Variants in APOLD1 observed in about 807,000 individuals in gnomAD.
APOLD1 encodes the protein apolipoprotein L domain-containing protein 1.
In APOLD1, 22 loss-of-function variants were observed where a neutral mutation model predicts 15.3. The observed-to-expected ratio is 1.44, with a 90% CI of 1.03 to 2.05. The LOEUF is 2.05. Among genes scored for constraint, APOLD1 ranks in the 30% most tolerant of loss-of-function variants. The pLI is 0.00. For missense variants in APOLD1, 394 were observed against 353.5 expected (o/e 1.11, Z -0.92); for synonymous variants, 190 against 167.4 (o/e 1.13, Z -1.04).
At position 12,787,909 on chromosome 12, in the gene APOLD1, A is replaced by G. The variant is rs1947146820; in HGVS notation, c.*257A>G. The G allele has an allele frequency of 2.1e-6, 1 of 474,606 alleles. No individual in the cohort carries two copies. Among genetic ancestry groups the G allele is most frequent in the Non-Finnish European group, 3.7e-6 (1 of 273,642 alleles). The allele number at this position is 474,606 out of a possible 1,614,324, so 29.4% of individuals were successfully genotyped here. On this transcript the variant is annotated 3_prime_UTR_variant, in exon 2 of 2. Transcript: ENST00000356591. This position sits in a 1 kb window ranked among gnomAD's most constrained non-coding sequence, Gnocchi z 4.9. The stretch of plus-strand genomic sequence containing the variant: ...ACCCAAAAACTCTTTTTCCTTTATC[A>G]AAAACTTTCTGTCTAAACACAGCTG...
At chr12:12,770,266 A>G (rs554682602) in intron 1 of APOLD1, among the ~76,000 whole-genome samples, 12 of 152,202 alleles carry the variant, frequency 7.9e-5, no homozygotes, top group East Asian at 5.8e-4. Flanking sequence ...TTAGCCGGGC[A>G]TGGTGGCACA....
chr12:12,772,592 C>T (rs572283674), intron 1 of APOLD1, among the ~76,000 whole-genome samples: 1 of 152,302 alleles, frequency 6.6e-6, no homozygotes, highest in East Asian at 1.9e-4. Flanking sequence ...GGCAGAAAAT[C>T]AGTAGGGCAT....
intron 1 of APOLD1, among the ~76,000 whole-genome samples, chr12:12,767,952 A>AT (rs891876812): frequency 1.3e-5 from 2 of 151,876 alleles, no homozygotes; most frequent in African/African-American, 2.4e-5. Flanking sequence ...TGACTGGCTA[A>AT]TTTTTTTATT....
At chr12:12,750,815 C>A (rs1252620114) in intron 1 of APOLD1, among the ~76,000 whole-genome samples, 1 of 152,030 alleles carries the variant, frequency 6.6e-6, no homozygotes, top group African/African-American at 2.4e-5. Flanking sequence ...TACTCTGTCA[C>A]CCAGGCTGGA....
intron 1 of APOLD1, among the ~76,000 whole-genome samples, chr12:12,767,167 A>G (rs1946948550): frequency 1.3e-5 from 2 of 152,160 alleles, no homozygotes. Flanking sequence ...AATTGCTTGA[A>G]TTTGGGAGGT....
At chr12:12,757,033 C>T (rs1246000243) in intron 1 of APOLD1, among the ~76,000 whole-genome samples, 10 of 152,128 alleles carry the variant, frequency 6.6e-5, no homozygotes, top group East Asian at 1.9e-4. Flanking sequence ...GTGATCCACC[C>T]GCCTCAGCCT....
intron 1 of APOLD1, among the ~76,000 whole-genome samples, chr12:12,762,589 G>A (rs918505587): frequency 2.0e-5 from 3 of 151,732 alleles, no homozygotes; most frequent in African/African-American, 7.3e-5. Flanking sequence ...TCCTGACCTC[G>A]TGATCCATCC....
rs577423767 is a variant in APOLD1, at chr12:12,786,902, C to T, written c.4-7C>T. 1 of 1,425,498 alleles carries T rather than the reference C, an allele frequency of 7.0e-7. No homozygotes were observed. The highest frequency in any genetic ancestry group is 9.1e-7 in the Non-Finnish European group (1 of 1,100,482). The allele number at this position is 1,425,498 out of a possible 1,614,324, so 88.3% of individuals were successfully genotyped here. A position where few individuals can be genotyped will look rare whatever the true frequency, so the allele number is the denominator to read the frequency against. ...TCCAGGCTGACCGCGTGTCTATGTC[C>T]CCGCAGGGAATGGAGAGGCCGGCGG... On this transcript the variant is annotated splice_polypyrimidine_tract_variant and splice_region_variant and intron_variant, in intron 1 of 1. Transcript: ENST00000356591.
chr12:12,736,563 CTT>C (rs1946688195), intron 1 of APOLD1, among the ~76,000 whole-genome samples: 1 of 152,106 alleles, frequency 6.6e-6, no homozygotes, highest in Non-Finnish European at 1.5e-5. Flanking sequence ...AAGAGAGTGA[CTT>C]GAGCAGCTTC....
At chr12:12,731,496 G>C (rs1010740688) in intron 1 of APOLD1, among the ~76,000 whole-genome samples, 2 of 152,152 alleles carry the variant, frequency 1.3e-5, no homozygotes, top group African/African-American at 4.8e-5. Flanking sequence ...ACATACATAT[G>C]CAATGACAAA....
At chr12:12,778,873 C>G (rs1340305695) in intron 1 of APOLD1, among the ~76,000 whole-genome samples, 3 of 152,174 alleles carry the variant, frequency 2.0e-5, no homozygotes, top group Non-Finnish European at 4.4e-5. Context: ...TGAGAACCAT[C>G]CTTCACACAA....
At chr12:12,737,467 A>G (rs771704641) in intron 1 of APOLD1, among the ~76,000 whole-genome samples, 9 of 152,166 alleles carry the variant, frequency 5.9e-5, no homozygotes, top group Non-Finnish European at 1.2e-4. Context: ...TTCTGTTTCA[A>G]TCTTTAGGAA....
chr12:12,769,107 A>C (rs1181784300), intron 1 of APOLD1, among the ~76,000 whole-genome samples: 2 of 151,912 alleles, frequency 1.3e-5, no homozygotes, highest in Non-Finnish European at 2.9e-5. Context: ...ACATGCCTGT[A>C]GTCCCAGTTA....
intron 1 of APOLD1, among the ~76,000 whole-genome samples, chr12:12,763,176 C>T (rs771531933): frequency 1.3e-5 from 2 of 152,068 alleles, no homozygotes; most frequent in Non-Finnish European, 2.9e-5. Context: ...ACTCATTGTG[C>T]ACAGCATGAT....
chr12:12,785,635 G>C (rs944545689), upstream of APOLD1: 2 of 1,614,020 alleles, frequency 1.2e-6, no homozygotes, highest in African/African-American at 2.7e-5. Flanking sequence ...GAACTATAAA[G>C]CACACTCATC....
intron 1 of APOLD1, among the ~76,000 whole-genome samples, chr12:12,777,084 A>G (rs1947041612): frequency 6.6e-6 from 1 of 152,188 alleles, no homozygotes; most frequent in South Asian, 2.1e-4. Flanking sequence ...TCTAACCATC[A>G]GTTTCCCTTT....
chr12:12,766,475 A>AC (rs1946943266), intron 1 of APOLD1, among the ~76,000 whole-genome samples: 1 of 152,238 alleles, frequency 6.6e-6, no homozygotes, highest in Non-Finnish European at 1.5e-5. Flanking sequence ...TCACTTTTGC[A>AC]TTGCCCCACA....
chr12:12,763,116 C>A (rs80127540), intron 1 of APOLD1, among the ~76,000 whole-genome samples: 6,184 of 151,926 alleles, frequency 0.041, 443 homozygotes, highest in African/African-American at 0.14. Flanking sequence ...AGAGCAAGAC[C>A]CTGTCTCAAG....
intron 1 of APOLD1, among the ~76,000 whole-genome samples, chr12:12,760,547 G>T (rs1270779171): frequency 6.6e-6 from 1 of 151,128 alleles, no homozygotes; most frequent in African/African-American, 2.4e-5. Context: ...GCTGAGGCAG[G>T]AGAATCACTT....
Sources: gnomAD v4.1 joint callset for allele counts (sites outside exome capture counted in the v4.1 genomes callset) on GRCh38, gnomAD v4.1.1 for gene constraint, Gnocchi (gnomAD v3.1) non-coding constraint, MANE v1.5 for transcripts, NCBI Gene and HGNC (gene_info 2026-07-23, HGNC 2026-07-21) for gene names.